The following KLF12 variants were observed in gnomAD, a reference collection of about 807,000 sequenced individuals.
KLF12 encodes the protein Krueppel-like factor 12.
In KLF12, 9 loss-of-function variants were observed where a neutral mutation model predicts 37.8. The observed-to-expected ratio is 0.24, with a 90% CI of 0.14 to 0.42. The LOEUF is 0.42. Among genes scored for constraint, KLF12 ranks in the 10% least tolerant of loss-of-function variants. KLF12 has a pLI of 1.00. For synonymous variants in KLF12, 208 were observed against 202.1 expected (o/e 1.03, Z -0.25); for missense variants, 411 against 516.0 (o/e 0.80, Z 1.97).
chr13:73,982,670 C>T (rs1891717400), intron 2 of KLF12, among the ~76,000 whole-genome samples: 1 of 152,156 alleles, frequency 6.6e-6, no homozygotes, highest in African/African-American at 2.4e-5. Flanking sequence ...ATATTTGTTA[C>T]TATATTTAGC....
intron 3 of KLF12, among the ~76,000 whole-genome samples, chr13:73,861,810 G>T (rs2138808098): frequency 6.6e-6 from 1 of 152,158 alleles, no homozygotes; most frequent in East Asian, 1.9e-4. Context: ...TACGGCTTAG[G>T]TACTGGTATG....
chr13:74,305,421 A>G, the KLF12 span, among the ~76,000 whole-genome samples: 1 of 152,088 alleles, frequency 6.6e-6, no homozygotes, highest in Non-Finnish European at 1.5e-5. Flanking sequence ...ACAGAGGGTC[A>G]CTACATATTT....
intron 6 of KLF12, among the ~76,000 whole-genome samples, chr13:73,758,914 C>T (rs532073043): frequency 1.3e-5 from 2 of 152,046 alleles, no homozygotes; most frequent in Non-Finnish European, 2.9e-5. Context: ...TTCTTTCATA[C>T]GGTCACTTTG....
At chr13:74,103,423 G>A (rs76432906) in intron 1 of KLF12, among the ~76,000 whole-genome samples, 1 of 152,160 alleles carries the variant, frequency 6.6e-6, no homozygotes, top group African/African-American at 2.4e-5. Flanking sequence ...ATCATCAGCA[G>A]TGCAGCACGG....
chr13:73,762,920 C>G lies in KLF12; in HGVS notation c.869+2018G>C, dbSNP rs1456231263. On this transcript the variant is annotated intron_variant, in intron 6 of 7. Transcript: ENST00000377669. Reference sequence around the variant, plus strand: ...AAGGAAGATTCAAGGTAGTATATATCATAGAAATCTTAGCTAGCTTATGAC... The same window carrying G: ...AAGGAAGATTCAAGGTAGTATATATGATAGAAATCTTAGCTAGCTTATGAC... 2.6e-5 allele frequency among the ~76,000 whole-genome samples: 4 copies of G among 152,254 alleles called. No individual in the cohort carries two copies. The South Asian group carries it at 8.3e-4, about 32-fold the overall frequency.
chr13:73,845,009 C>T (rs1235783853), intron 4 of KLF12: 1 of 151,976 alleles, frequency 6.6e-6, no homozygotes, highest in Non-Finnish European at 1.5e-5. Flanking sequence ...CATGATGCCA[C>T]CGCAATTTCT....
intron 4 of KLF12, among the ~76,000 whole-genome samples, chr13:73,837,232 T>TAA (rs1884481848): frequency 1.3e-5 from 2 of 152,306 alleles, no homozygotes; most frequent in South Asian, 4.1e-4. Flanking sequence ...ATGAGGAGCT[T>TAA]AGAGTTTTCT....
the KLF12 span, among the ~76,000 whole-genome samples, chr13:74,178,780 C>T: frequency 6.6e-6 from 1 of 152,174 alleles, no homozygotes; most frequent in Non-Finnish European, 1.5e-5. Context: ...ATCCCTTTGT[C>T]AGGGGGAGTT....
chr13:73,928,136 G>A (rs926871805), intron 3 of KLF12, among the ~76,000 whole-genome samples: 1 of 152,182 alleles, frequency 6.6e-6, no homozygotes, highest in African/African-American at 2.4e-5. Context: ...GATTACAGGC[G>A]TGAGCCACCA....
At chr13:74,062,000 C>T (rs1161423196) in intron 1 of KLF12, among the ~76,000 whole-genome samples, 2 of 152,114 alleles carry the variant, frequency 1.3e-5, no homozygotes, top group Non-Finnish European at 2.9e-5. Context: ...CTAGTGCTTG[C>T]TTTCAGAAGA....
chr13:73,904,970 A>G lies in KLF12; in HGVS notation c.123+39011T>C, dbSNP rs553915330. 3.2e-4 allele frequency among the ~76,000 whole-genome samples: 49 copies of G among 151,982 alleles called. 1 individual carries two copies. The South Asian group carries it at 1.0e-2, about 31-fold the overall frequency. Reference sequence around the variant, plus strand: ...ACTTATCCTAAGCAAAAAAAAAAAAAATCATCTAAAACAGATGTCATGGTA... The same window carrying G: ...ACTTATCCTAAGCAAAAAAAAAAAAGATCATCTAAAACAGATGTCATGGTA... On this transcript the variant is annotated intron_variant, in intron 3 of 7. Transcript: ENST00000377669.
At chr13:73,913,070 G>A (rs114940401) in intron 3 of KLF12, among the ~76,000 whole-genome samples, 2,303 of 152,184 alleles carry the variant, frequency 0.015, 54 homozygotes, top group African/African-American at 0.05. Flanking sequence ...ACATTTCTCC[G>A]ACACGTATCT....
chr13:73,773,701 G>A (rs1880411661), intron 5 of KLF12, among the ~76,000 whole-genome samples: 2 of 151,880 alleles, frequency 1.3e-5, no homozygotes, highest in Non-Finnish European at 2.9e-5. Flanking sequence ...CCCTTTAATG[G>A]CTTTCCATTG....
At chr13:73,975,332 G>T (rs1408395772) in intron 2 of KLF12, among the ~76,000 whole-genome samples, 1 of 152,114 alleles carries the variant, frequency 6.6e-6, no homozygotes, top group African/African-American at 2.4e-5. Context: ...GGCTTAAAAA[G>T]ATCTCATTTT....
Position 74,114,836 on chromosome 13 carries a change from A to G in KLF12, c.-32+18903T>C, listed in dbSNP as rs1352831914. ...TCTAATCCTCCACTCCCTTTTTGCC[A>G]GAAATAGTCTTACACGTCATTCAAA... On this transcript the variant is annotated intron_variant, in intron 1 of 7. Transcript: ENST00000377669. Among the ~76,000 whole-genome samples, 3 of 152,180 alleles carry G rather than the reference A, an allele frequency of 2.0e-5. No homozygotes were observed. In the East Asian group the frequency reaches 5.8e-4, roughly 29 times the overall value.
chr13:74,127,274 A>T (rs1877994148), intron 1 of KLF12, among the ~76,000 whole-genome samples: 1 of 152,250 alleles, frequency 6.6e-6, no homozygotes, highest in Admixed American at 6.5e-5. Context: ...GCAAGAAGAC[A>T]TAAAAAATTT....
chr13:74,104,059 G>A (rs969793223), intron 1 of KLF12, among the ~76,000 whole-genome samples: 2 of 152,166 alleles, frequency 1.3e-5, no homozygotes, highest in African/African-American at 4.8e-5. Flanking sequence ...ATTTTATCCT[G>A]TATTAAAATA....
intron 3 of KLF12, among the ~76,000 whole-genome samples, chr13:73,873,759 C>T (rs553238125): frequency 6.6e-6 from 1 of 152,026 alleles, no homozygotes; most frequent in African/African-American, 2.4e-5. Flanking sequence ...TAATACTGTT[C>T]TCAGGGAAAA....
the KLF12 span, among the ~76,000 whole-genome samples, chr13:74,287,305 C>T: frequency 6.2e-5 from 9 of 145,142 alleles, no homozygotes; most frequent in African/African-American, 2.1e-4. Context: ...AAATGATTTC[C>T]AACCTGTCCA....
Sources: allele counts gnomAD v4.1 joint callset (sites outside exome capture counted in the v4.1 genomes callset), GRCh38; gene constraint gnomAD v4.1.1; transcripts MANE v1.5; gene names NCBI Gene and HGNC (gene_info 2026-07-23, HGNC 2026-07-21).